Variants in CPQ observed in about 807,000 individuals in gnomAD.
The protein encoded by CPQ is carboxypeptidase Q, also known as Ser-Met dipeptidase.
Under a neutral mutation model 45.7 loss-of-function variants are expected in CPQ, and 37 were observed. The ratio of observed to expected loss-of-function variants is 0.81; its 90% confidence interval spans 0.62 to 1.07. The LOEUF is 1.07. CPQ is among the 50% of genes least tolerant of loss of function. The pLI, the probability that CPQ is intolerant of heterozygous loss-of-function variation, is 0.00. For synonymous variants in CPQ, 186 were observed against 205.8 expected, an observed-to-expected ratio of 0.90 and a Z score of 0.82; for missense variants, 537 against 572.9, an observed-to-expected ratio of 0.94 and a Z score of 0.64.
chr8:97,102,116 T>A (rs1320587824), intron 7 of CPQ, among the ~76,000 whole-genome samples: 1 of 152,180 alleles, frequency 6.6e-6, no homozygotes, highest in East Asian at 1.9e-4. Flanking sequence ...TGCTTCTTTT[T>A]AAAATGAATG....
intron 4 of CPQ, among the ~76,000 whole-genome samples, chr8:96,929,754 C>G (rs1474377006): frequency 6.6e-6 from 1 of 152,186 alleles, no homozygotes; most frequent in Non-Finnish European, 1.5e-5. Flanking sequence ...GAATTCTACT[C>G]TGAGATACAA....
At chr8:97,043,979 A>G (rs537640234) in intron 6 of CPQ, among the ~76,000 whole-genome samples, 2 of 152,218 alleles carry the variant, frequency 1.3e-5, no homozygotes, top group African/African-American at 2.4e-5. Flanking sequence ...TGCTCTTCTC[A>G]AGGAGTATCT....
intron 4 of CPQ, among the ~76,000 whole-genome samples, chr8:96,922,522 C>T (rs1175808804): frequency 6.6e-6 from 1 of 152,142 alleles, no homozygotes; most frequent in Non-Finnish European, 1.5e-5. Flanking sequence ...GCCTGAGCTG[C>T]CAAACATGAT....
At chr8:96,839,978 T>C (rs1351750859) in intron 3 of CPQ, among the ~76,000 whole-genome samples, 1 of 126,480 alleles carries the variant, frequency 7.9e-6, no homozygotes, top group Non-Finnish European at 1.7e-5. Flanking sequence ...ACACATCTAA[T>C]GAAAGAACTA....
intron 4 of CPQ, among the ~76,000 whole-genome samples, chr8:96,939,314 GGA>G (rs1411197776): frequency 1.3e-5 from 2 of 152,144 alleles, no homozygotes; most frequent in African/African-American, 4.8e-5. Flanking sequence ...CTAACTGACA[GGA>G]GGCAGAGCTC....
intron 4 of CPQ, among the ~76,000 whole-genome samples, chr8:96,932,619 G>A (rs1333270890): frequency 6.6e-6 from 1 of 152,148 alleles, no homozygotes; most frequent in East Asian, 1.9e-4. Flanking sequence ...CAGTCATCGT[G>A]AATTACATGT....
At chr8:97,130,097 TAAATAAG>T (rs1811921272) in intron 7 of CPQ, among the ~76,000 whole-genome samples, 1 of 152,232 alleles carries the variant, frequency 6.6e-6, no homozygotes, top group Admixed American at 6.5e-5. Flanking sequence ...ACGAAATTAT[TAAATAAG>T]AAATAATTCA....
chr8:96,686,021 G>A (rs1002428256), intron 1 of CPQ, among the ~76,000 whole-genome samples: 8 of 151,914 alleles, frequency 5.3e-5, no homozygotes, highest in Non-Finnish European at 7.4e-5. Flanking sequence ...TGCGTTGTTT[G>A]TATGTATGAA....
chr8:97,122,655 G>C (rs538279223), intron 7 of CPQ, among the ~76,000 whole-genome samples: 1 of 151,890 alleles, frequency 6.6e-6, no homozygotes, highest in Non-Finnish European at 1.5e-5. Flanking sequence ...GGAGGCCAAG[G>C]CACGCGGATC....
intron 3 of CPQ, 35 bp downstream of exon 3, chr8:96,835,215 A>C (rs368069277): frequency 8.7e-5 from 121 of 1,392,914 alleles, no homozygotes; most frequent in Middle Eastern, 5.0e-4. Flanking sequence ...TCCTTTCAAA[A>C]ACAAGGGTTT....
chr8:96,864,350 G>C (rs2130869503), intron 3 of CPQ, among the ~76,000 whole-genome samples: 1 of 152,136 alleles, frequency 6.6e-6, no homozygotes, highest in East Asian at 1.9e-4. Flanking sequence ...TTTCCTGTAA[G>C]TTCTTGGAGA....
intron 4 of CPQ, among the ~76,000 whole-genome samples, chr8:96,933,020 T>C (rs1240716523): frequency 6.6e-6 from 1 of 152,158 alleles, no homozygotes; most frequent in African/African-American, 2.4e-5. Context: ...ATTGCCACAA[T>C]AGATTAAAGA....
intron 7 of CPQ, among the ~76,000 whole-genome samples, chr8:97,115,652 G>A (rs964909559): frequency 6.6e-6 from 1 of 152,184 alleles, no homozygotes; most frequent in African/African-American, 2.4e-5. Flanking sequence ...TTTCCTTTGG[G>A]CATGGCTGTA....
chr8:96,942,269 G>A (rs985109005), intron 4 of CPQ, among the ~76,000 whole-genome samples: 1 of 152,104 alleles, frequency 6.6e-6, no homozygotes, highest in Non-Finnish European at 1.5e-5. Context: ...TAATGCAGGG[G>A]GCTGAGTTTG....
chr8:96,726,302 A>T (rs1809838850), intron 1 of CPQ, among the ~76,000 whole-genome samples: 1 of 152,200 alleles, frequency 6.6e-6, no homozygotes, highest in Non-Finnish European at 1.5e-5. Flanking sequence ...TTCATGAATT[A>T]ATGGATTAAT....
chr8:96,837,042 A>G (rs1284695210), intron 3 of CPQ, among the ~76,000 whole-genome samples: 1 of 152,284 alleles, frequency 6.6e-6, no homozygotes, highest in Non-Finnish European at 1.5e-5. Context: ...AATCTTTCCC[A>G]TGTTACTTTA....
chr8:97,103,411 T>A (rs151217770), intron 7 of CPQ, among the ~76,000 whole-genome samples: 50 of 152,324 alleles, frequency 3.3e-4, no homozygotes, highest in African/African-American at 1.2e-3. Context: ...AGAAAACTAG[T>A]ATTTTTTAAA....
chr8:96,831,296 A>T (rs1166706788), intron 2 of CPQ, among the ~76,000 whole-genome samples: 1 of 152,110 alleles, frequency 6.6e-6, no homozygotes, highest in East Asian at 1.9e-4. Flanking sequence ...CTTGGAACTT[A>T]CATTATTGTA....
intron 1 of CPQ, among the ~76,000 whole-genome samples, chr8:96,666,822 A>C (rs1302041047): frequency 1.1e-4 from 16 of 152,112 alleles, no homozygotes; most frequent in Admixed American, 9.2e-4. Flanking sequence ...TCCTGAGCTC[A>C]GTGTTAAAAA....
Sources: allele counts gnomAD v4.1 joint callset (sites outside exome capture counted in the v4.1 genomes callset), GRCh38; gene constraint gnomAD v4.1.1; transcripts MANE v1.5; gene names NCBI Gene and HGNC (gene_info 2026-07-23, HGNC 2026-07-21).